Variants in HAPLN4 observed in about 807,000 individuals in gnomAD.
HAPLN4 encodes hyaluronan and proteoglycan link protein 4, also known as brain link protein 2.
A neutral mutation model predicts 28.0 loss-of-function variants in HAPLN4; 19 were observed. The ratio of observed to expected loss-of-function variants is 0.68; its 90% CI spans 0.47 to 1.00. The LOEUF (loss-of-function observed/expected upper bound fraction) is 1.00, where lower values mean the gene tolerates loss of function less well. Ranked by LOEUF, HAPLN4 falls within the 50% of genes least tolerant of loss-of-function variation. HAPLN4 has a pLI of 0.00. For synonymous variants in HAPLN4, 274 were observed against 273.0 expected, an observed-to-expected ratio of 1.00 and a Z score of -0.03; for missense variants, 587 against 602.6, an observed-to-expected ratio of 0.97 and a Z score of 0.27.
chr19:19,257,867 A>AGCC lies in HAPLN4; in HGVS notation c.1156_1158dup (p.Gly386dup), dbSNP rs778828766. Reference sequence around the variant, plus strand: ...GCAGGATCGCGCGCGCCCCCTGCCCAGCCGCCGCCGCCCGCCCAGCCCCAG... The same window carrying AGCC: ...GCAGGATCGCGCGCGCCCCCTGCCCAGCCGCCGCCGCCGCCCGCCCAGCCCCAG... On this transcript the variant is annotated inframe_insertion, in exon 5 of 5. Coordinates refer to ENST00000291481, the MANE Select transcript of HAPLN4 (RefSeq NM_023002.3). 6 of 1,436,218 alleles carry AGCC rather than the reference A, an allele frequency of 4.2e-6. No homozygotes were observed. Among genetic ancestry groups the AGCC allele is most frequent in the African/African-American group, 1.5e-5 (1 of 67,058 alleles). The allele number at this position is 1,436,218 out of a possible 1,614,324, so 89.0% of individuals were successfully genotyped here. A position where few individuals can be genotyped will look rare whatever the true frequency, so the allele number is the denominator to read the frequency against.
In HAPLN4 at chr19:19,258,499, AGT is replaced by A; in HGVS notation, c.817+22_817+23del. On this transcript the variant is annotated intron_variant, in intron 4 of 4. Transcript: ENST00000291481. The surrounding 1 kb of genome is among the most constrained non-coding windows in gnomAD (Gnocchi z 6.2). ...TTGGGGTAGTGTTGCAGCAGAGGCC[AGT>A]CTTGGGGTGAGGCCTACGCACCCGG... 6.2e-7 allele frequency: 1 copy of A among 1,605,132 alleles called. No homozygotes were observed. The highest frequency in any genetic ancestry group is 1.1e-5 in the South Asian group (1 of 90,910).
intron 3 of HAPLN4, among the ~76,000 whole-genome samples, chr19:19,259,150 T>C (rs1474449749): frequency 6.6e-6 from 1 of 152,174 alleles, no homozygotes; most frequent in Non-Finnish European, 1.5e-5. Context: ...TGAACTCCTA[T>C]TCATCCTTCA....
In HAPLN4 at chr19:19,257,827, A is replaced by C. The variant is rs1268401649; in HGVS notation, c.1199T>G (p.Leu400Arg). The change falls in exon 5 of 5, where the codon CTG becomes CGG. Residue 400 changes from leucine to arginine, a missense_variant. Transcript: ENST00000291481. The stretch of plus-strand genomic sequence containing the variant: ...CCGCCTACTCCCAGCCTAGACGTGC[A>C]GAGGGGTCCAGGCAGCAGGATCGCG... ...GARDPAAWTP[L>R]HV The C allele has an allele frequency of 7.1e-7, 1 of 1,408,816 alleles. No individual in the cohort carries two copies. The highest frequency in any genetic ancestry group is 9.2e-7 in the Non-Finnish European group (1 of 1,091,270). The allele number at this position is 1,408,816 out of a possible 1,614,324, so 87.3% of individuals were successfully genotyped here.
rs770004739 is a variant in HAPLN4, at chr19:19,262,740, G to A, written c.-8C>T. 11 of 1,608,730 alleles carry A rather than the reference G, an allele frequency of 6.8e-6. No individual in the cohort carries two copies. In the Admixed American group the frequency reaches 1.3e-4, roughly 20 times the overall value. On this transcript the variant is annotated 5_prime_UTR_variant, in exon 1 of 5. Transcript: ENST00000291481. ...CGCAGCCCCACTTACCATCTTGCCC[G>A]CGCGGCCCCCGCCGAGCGGCCCCTA...
At chr19:19,261,345 G>A in intron 2 of HAPLN4, 101 bp downstream of exon 2, 1 of 1,279,320 alleles carries the variant, frequency 7.8e-7, no homozygotes, top group South Asian at 1.2e-5. Flanking sequence ...GAGTGGCTGG[G>A]GGAACCGCGG....
At chr19:19,260,766 C>T (rs952197026) in intron 3 of HAPLN4, 47 bp downstream of exon 3, 6 of 1,577,850 alleles carry the variant, frequency 3.8e-6, no homozygotes, top group South Asian at 1.1e-5. Flanking sequence ...ATCCCCGCCC[C>T]CCTCCTTCCT....
In HAPLN4 at chr19:19,256,934, G is replaced by T. The variant is rs1209624745; in HGVS notation, c.*883C>A. On this transcript the variant is annotated 3_prime_UTR_variant, in exon 5 of 5. Coordinates refer to ENST00000291481, the MANE Select transcript of HAPLN4 (RefSeq NM_023002.3). ...GGACTGGTTGCCTTGGTGACAGTGG[G>T]ACCCAAGGCAACTGCTCTGCATAAC... is the stretch of plus-strand genomic sequence containing the variant. 1 of 152,620 alleles carries T rather than the reference G, an allele frequency of 6.6e-6. No individual in the cohort carries two copies. Among genetic ancestry groups the T allele is most frequent in the Non-Finnish European group, 1.5e-5 (1 of 68,062 alleles). The allele number at this position is 152,620 out of a possible 1,614,324, so 9.5% of individuals were successfully genotyped here.
rs1182024494 is a variant in HAPLN4 at position 19,255,785 on chromosome 19, G to A, written c.*2032C>T. 2.0e-5 allele frequency: 3 copies of A among 152,246 alleles called. No homozygotes were observed. The highest frequency in any genetic ancestry group is 7.2e-5 in the African/African-American group (3 of 41,466). The allele number at this position is 152,246 out of a possible 1,614,324, so 9.4% of individuals were successfully genotyped here. On this transcript the variant is annotated 3_prime_UTR_variant, in exon 5 of 5. Transcript: ENST00000291481. ...CACTTGGTCACACAGTGAGCAAGAAGAGGCAGAATTCAAACCCAAACCGAC... is the reference window on the plus strand; with the variant it reads ...CACTTGGTCACACAGTGAGCAAGAAAAGGCAGAATTCAAACCCAAACCGAC...
At position 19,260,823 on chromosome 19, in the gene HAPLN4, C is replaced by T; in HGVS notation, c.474G>A (p.Leu158=). 1 of 1,608,176 alleles carries T rather than the reference C, an allele frequency of 6.2e-7. No individual in the cohort carries two copies. The highest frequency in any genetic ancestry group is 8.5e-7 in the Non-Finnish European group (1 of 1,175,136). Residue 158 remains leucine, a synonymous_variant, in exon 3 of 5, where the codon CTG becomes CTA. Transcript: ENST00000291481. The stretch of plus-strand genomic sequence containing the variant: ...CCACCGGCTGATCACCTTCCAGGTC[C>T]AGCTTGACCATGCCAGCGTCATCTT... ...ELEDDAGMVK[L]DLEGVVFPYH... is the part of the protein sequence containing the mutation.
At position 19,260,934 on chromosome 19, in the gene HAPLN4, G is replaced by A. The variant is rs747149819; in HGVS notation, c.363C>T (p.Asp121=). 3 of 1,613,846 alleles carry A rather than the reference G, an allele frequency of 1.9e-6. No homozygotes were observed. The highest frequency in any genetic ancestry group is 1.7e-6 in the Non-Finnish European group (2 of 1,180,026). The stretch of plus-strand genomic sequence containing the variant: ...GGACCAGGGAGGCATCCCCAGGCCC[G>A]TCGCCCTGCAGCTCAGCCCGCCCAC... The part of the protein sequence containing the change: ...SYRGRAELQG[D]GPGDASLVLR... Residue 121 remains aspartate, a synonymous_variant, in exon 3 of 5, where the codon GAC becomes GAT. Transcript: ENST00000291481.
At position 19,257,920 on chromosome 19, in the gene HAPLN4, G is replaced by A. The variant is rs1470707970; in HGVS notation, c.1106C>T (p.Ala369Val). Residue 369 changes from alanine (A) to valine (V), a missense_variant, in exon 5 of 5, where the codon GCA (alanine) becomes GTA (valine). Coordinates refer to ENST00000291481, the MANE Select transcript of HAPLN4 (RefSeq NM_023002.3). ...FGVYCYRAPG[A>V]PDPAPGGWGW... ...CCAGCCGCCAGGTGCCGGGTCCGGT[G>A]CTCCTGGAGCGCGGTAGCAGTAGAC... 6.6e-7 allele frequency: 1 copy of A among 1,505,926 alleles called. No individual in the cohort carries two copies. The highest frequency in any genetic ancestry group is 2.1e-5 in the Admixed American group (1 of 46,862). The allele number at this position is 1,505,926 out of a possible 1,614,324, so 93.3% of individuals were successfully genotyped here.
intron 3 of HAPLN4, among the ~76,000 whole-genome samples, chr19:19,260,513 G>A (rs1189211868): frequency 1.3e-5 from 2 of 152,266 alleles, no homozygotes; most frequent in Non-Finnish European, 2.9e-5. Context: ...CACCATGCCC[G>A]GCCTGGATCA....
At position 19,257,614 on chromosome 19, in the gene HAPLN4, G is replaced by T; in HGVS notation, c.*203C>A. On this transcript the variant is annotated 3_prime_UTR_variant, in exon 5 of 5. Transcript: ENST00000291481. ...GAATCCTCTATCCAGAAGAGGTGAGGGCTGGCCAGGCTCCAGGGAACTCCA... is the reference window on the plus strand; with the variant it reads ...GAATCCTCTATCCAGAAGAGGTGAGTGCTGGCCAGGCTCCAGGGAACTCCA... The T allele has an allele frequency of 2.0e-6, 1 of 497,746 alleles. No homozygotes were observed. Among genetic ancestry groups the T allele is most frequent in the Non-Finnish European group, 3.2e-6 (1 of 315,258 alleles). 30.8% of individuals were successfully genotyped at this position (497,746 alleles called of 1,614,324 possible).
intron 2 of HAPLN4, 103 bp downstream of exon 2, chr19:19,261,343 G>A (rs2060982740): frequency 6.3e-6 from 8 of 1,270,436 alleles, no homozygotes; most frequent in Admixed American, 1.7e-5. Context: ...GGGAGTGGCT[G>A]GGGGAACCGC....
chr19:19,257,597 T>C lies in HAPLN4; in HGVS notation c.*220A>G. The C allele has an allele frequency of 6.8e-6, 3 of 441,956 alleles. No individual in the cohort carries two copies. The highest frequency in any genetic ancestry group is 1.1e-5 in the Non-Finnish European group (3 of 268,780). 27.4% of individuals were successfully genotyped at this position (441,956 alleles called of 1,614,324 possible). ...AAGTTGGGGAGTTGGGGGAATCCTC[T>C]ATCCAGAAGAGGTGAGGGCTGGCCA... On this transcript the variant is annotated 3_prime_UTR_variant, in exon 5 of 5. Transcript: ENST00000291481.
In HAPLN4 at chr19:19,258,623, T is replaced by C; in HGVS notation, c.717A>G (p.Ala239=). Residue 239 remains alanine, a synonymous_variant, in exon 4 of 5, where the codon GCA becomes GCG. Transcript: ENST00000291481. This position sits in a 1 kb window ranked among gnomAD's most constrained non-coding sequence, Gnocchi z 6.2. ...CCCCGTTGGCATCACCGCCGCCCCC[T>C]GCACTCCCGGTCCCCCCCAGGCCGC... The part of the protein sequence containing the change: ...PCGGLGGTGS[A]GGGGDANGGL... The C allele has an allele frequency of 6.2e-7, 1 of 1,612,882 alleles. No homozygotes were observed. The highest frequency in any genetic ancestry group is 1.7e-5 in the Admixed American group (1 of 59,958).
chr19:19,258,053 C>A lies in HAPLN4; in HGVS notation c.973G>T (p.Asp325Tyr). 1 of 1,550,870 alleles carries A rather than the reference C, an allele frequency of 6.4e-7. No individual in the cohort carries two copies. The highest frequency in any genetic ancestry group is 8.7e-7 in the Non-Finnish European group (1 of 1,154,610). Residue 325 changes from aspartate (D) to tyrosine (Y), a missense_variant, in exon 5 of 5, where the codon GAT (aspartate) becomes TAT (tyrosine). Coordinates refer to ENST00000291481, the MANE Select transcript of HAPLN4 (RefSeq NM_023002.3). This position sits in a 1 kb window ranked among gnomAD's most constrained non-coding sequence, Gnocchi z 6.2. ...ACGATGGGGTAGCGCGCACTGCCAT[C>A]GGCCAGCCAACCCGCGGTGCAGCGG... ...LDRCTAGWLA[D>Y]GSARYPIVNP...
Position 19,257,505 on chromosome 19 carries a change from A to C in HAPLN4, c.*312T>G. 1 of 303,702 alleles carries C rather than the reference A, an allele frequency of 3.3e-6. No homozygotes were observed. The highest frequency in any genetic ancestry group is 5.4e-5 in the East Asian group (1 of 18,356). 18.8% of individuals were successfully genotyped at this position (303,702 alleles called of 1,614,324 possible). A position where few individuals can be genotyped will look rare whatever the true frequency, so the allele number is the denominator to read the frequency against. On this transcript the variant is annotated 3_prime_UTR_variant, in exon 5 of 5. Transcript: ENST00000291481. ...CCAAGTGGTCTCAGGAGGCGTGGCC[A>C]GTCTTCAGGAGCCTGCGGGTTCTGC...
chr19:19,259,768 C>A (rs559208610), intron 3 of HAPLN4, among the ~76,000 whole-genome samples: 6 of 152,290 alleles, frequency 3.9e-5, no homozygotes, highest in African/African-American at 1.4e-4. Flanking sequence ...GGGAGGTCAG[C>A]AAGCAAGGGC....
Sources: allele counts gnomAD v4.1 joint callset (sites outside exome capture counted in the v4.1 genomes callset), GRCh38; gene constraint gnomAD v4.1.1; non-coding constraint Gnocchi (gnomAD v3.1); transcripts MANE v1.5; gene names NCBI Gene and HGNC (gene_info 2026-07-23, HGNC 2026-07-21).